Variants in RALYL observed in about 807,000 individuals in gnomAD.
The protein encoded by RALYL is RALY RNA binding protein like.
In RALYL, 29 loss-of-function variants were observed where a neutral mutation model predicts 35.1. That is an observed-to-expected ratio of 0.83 (90% CI 0.61 to 1.13). The LOEUF (loss-of-function observed/expected upper bound fraction) is 1.13, where lower values mean the gene tolerates loss of function less well. Among genes scored for constraint, RALYL ranks in the 50% most tolerant of loss-of-function variants. RALYL has a pLI of 0.00. For synonymous variants in RALYL, 120 were observed against 127.6 expected (o/e 0.94, Z 0.40); for missense variants, 359 against 360.4 (o/e 1.00, Z 0.03).
intron 2 of RALYL, among the ~76,000 whole-genome samples, chr8:84,545,788 C>T (rs538185540): frequency 6.6e-6 from 1 of 152,194 alleles, no homozygotes; most frequent in South Asian, 2.1e-4. Context: ...ATTATAATGA[C>T]ATACTTTACA....
chr8:84,529,065 C>CT (rs2134934171), intron 1 of RALYL, among the ~76,000 whole-genome samples: 1 of 152,154 alleles, frequency 6.6e-6, no homozygotes, highest in Non-Finnish European at 1.5e-5. Flanking sequence ...AATCAAGAAT[C>CT]TTTATAACTG....
intron 2 of RALYL, among the ~76,000 whole-genome samples, chr8:84,539,854 G>GTATA (rs1294869865): frequency 2.5e-4 from 6 of 24,204 alleles, no homozygotes; most frequent in Middle Eastern, 0.017. Context: ...ATATATATAT[G>GTATA]TATATATATA....
intron 1 of RALYL, among the ~76,000 whole-genome samples, chr8:84,280,827 A>G (rs1836399013): frequency 6.6e-6 from 1 of 151,714 alleles, no homozygotes; most frequent in African/African-American, 2.4e-5. Flanking sequence ...CCACCCATTA[A>G]TGATTAGTCC....
At chr8:84,582,334 A>G (rs1466169643) in intron 2 of RALYL, among the ~76,000 whole-genome samples, 2 of 152,138 alleles carry the variant, frequency 1.3e-5, no homozygotes, top group African/African-American at 4.8e-5. Context: ...TGTTATAACA[A>G]ACGTAACTCA....
intron 1 of RALYL, among the ~76,000 whole-genome samples, chr8:84,309,247 A>G (rs1009777640): frequency 1.3e-5 from 2 of 151,442 alleles, no homozygotes; most frequent in African/African-American, 2.4e-5. Context: ...GTATAATGCT[A>G]TAACCTGAAA....
At chr8:84,549,509 T>C (rs964925575) in intron 2 of RALYL, among the ~76,000 whole-genome samples, 13 of 152,230 alleles carry the variant, frequency 8.5e-5, no homozygotes, top group African/African-American at 3.1e-4. Context: ...GGAAAAATGC[T>C]GAGTACTGAG....
intron 2 of RALYL, among the ~76,000 whole-genome samples, chr8:84,693,030 T>C (rs563103028): frequency 6.6e-6 from 1 of 152,126 alleles, no homozygotes; most frequent in Admixed American, 6.6e-5. Context: ...TTATTTTAAA[T>C]GTCTAACTTC....
intron 2 of RALYL, among the ~76,000 whole-genome samples, chr8:84,744,910 A>G (rs561443534): frequency 2.6e-5 from 4 of 152,002 alleles, no homozygotes; most frequent in East Asian, 1.9e-4. Flanking sequence ...TTCTGTTGCA[A>G]AGTAATTGAT....
At chr8:84,543,988 T>C (rs2060191336) in intron 2 of RALYL, among the ~76,000 whole-genome samples, 1 of 151,984 alleles carries the variant, frequency 6.6e-6, no homozygotes, top group South Asian at 2.1e-4. Context: ...CACCTATAAG[T>C]CTCAGAAAAA....
intron 1 of RALYL, among the ~76,000 whole-genome samples, chr8:84,313,280 G>A (rs895753218): frequency 3.3e-5 from 5 of 152,210 alleles, no homozygotes; most frequent in African/African-American, 1.2e-4. Context: ...CCTGTGATGG[G>A]AGGGGCTGTC....
intron 3 of RALYL, among the ~76,000 whole-genome samples, chr8:84,787,946 A>C (rs1819925440): frequency 6.6e-6 from 1 of 152,072 alleles, no homozygotes; most frequent in African/African-American, 2.4e-5. Context: ...AGATTGCAAA[A>C]ATTTTCCCCC....
At chr8:84,531,995 A>G (rs1196764333) in intron 2 of RALYL, among the ~76,000 whole-genome samples, 1 of 152,052 alleles carries the variant, frequency 6.6e-6, no homozygotes, top group Admixed American at 6.6e-5. Flanking sequence ...CATTCCTCTT[A>G]GATCCTCTCT....
At chr8:84,493,129 C>T (rs1186619338) in intron 1 of RALYL, among the ~76,000 whole-genome samples, 2 of 152,044 alleles carry the variant, frequency 1.3e-5, no homozygotes, top group African/African-American at 4.8e-5. Context: ...CATGTGTTCT[C>T]ATTGTTTAAC....
chr8:84,898,892 C>T (rs1385680045), intron 8 of RALYL, among the ~76,000 whole-genome samples: 1 of 152,202 alleles, frequency 6.6e-6, no homozygotes, highest in Non-Finnish European at 1.5e-5. Context: ...TGTTAGGACA[C>T]TTCCTTCAGT....
chr8:84,623,151 G>C (rs1156447662), intron 2 of RALYL, among the ~76,000 whole-genome samples: 1 of 152,274 alleles, frequency 6.6e-6, no homozygotes. Context: ...TCAAAGATTA[G>C]CTCAGTTCCA....
At chr8:84,410,260 C>T (rs73304342) in intron 1 of RALYL, among the ~76,000 whole-genome samples, 4,499 of 151,890 alleles carry the variant, frequency 0.03, 217 homozygotes, top group African/African-American at 0.1. Context: ...ACTCTAGAAC[C>T]GGATTGCCTA....
At chr8:84,456,306 G>A (rs558026543) in intron 1 of RALYL, among the ~76,000 whole-genome samples, 9 of 151,978 alleles carry the variant, frequency 5.9e-5, no homozygotes, top group South Asian at 4.1e-4. Context: ...TAATTAACTC[G>A]TTTAACACAA....
At chr8:84,193,948 T>C (rs1295547174) in intron 1 of RALYL, among the ~76,000 whole-genome samples, 1 of 152,034 alleles carries the variant, frequency 6.6e-6, no homozygotes, top group Non-Finnish European at 1.5e-5. Context: ...CTCTACGAGA[T>C]GAACAGAATA....
At chr8:84,603,120 A>C (rs974953107) in intron 2 of RALYL, among the ~76,000 whole-genome samples, 3 of 152,142 alleles carry the variant, frequency 2.0e-5, no homozygotes, top group Non-Finnish European at 4.4e-5. Flanking sequence ...CCTCCAAAAA[A>C]AGAACAGCAA....
Sources: gnomAD v4.1 joint callset for allele counts (sites outside exome capture counted in the v4.1 genomes callset) on GRCh38, gnomAD v4.1.1 for gene constraint, MANE v1.5 for transcripts, NCBI Gene and HGNC (gene_info 2026-07-23, HGNC 2026-07-21) for gene names.